The following SPSB1 variants were observed in gnomAD, a reference collection of about 807,000 sequenced individuals.
SPSB1 encodes the protein SPRY domain-containing SOCS box protein 1.
In SPSB1, 8 loss-of-function variants were observed where a neutral mutation model predicts 21.2. The ratio of observed to expected loss-of-function variants is 0.38; its 90% CI spans 0.22 to 0.68. SPSB1 has a LOEUF of 0.68. Ranked by LOEUF, SPSB1 falls within the 30% of genes least tolerant of loss-of-function variation. The pLI is 0.53. For synonymous variants in SPSB1, 169 were observed against 161.7 expected (o/e 1.05, Z -0.34); for missense variants, 242 against 377.8 (o/e 0.64, Z 2.98).
rs1359427685 is a variant in SPSB1 at position 9,369,296 on chromosome 1, T to A, written c.*1721T>A. On this transcript the variant is annotated 3_prime_UTR_variant, in exon 3 of 3. Coordinates refer to ENST00000328089, the MANE Select transcript of SPSB1 (RefSeq NM_025106.4). The stretch of plus-strand genomic sequence containing the variant: ...AGGTGGGTCACATTCTGATGAATGT[T>A]TCCCTTGTACAGATCCCAGCTTATG... 6.6e-6 allele frequency: 1 copy of A among 152,086 alleles called. No homozygotes were observed. Among genetic ancestry groups the A allele is most frequent in the Non-Finnish European group, 1.5e-5 (1 of 67,986 alleles). 9.4% of individuals were successfully genotyped at this position (152,086 alleles called of 1,614,324 possible).
rs554156304 is a variant in SPSB1, at chr1:9,321,606, T to C, written c.-150+28535T>C. 9.9e-5 allele frequency among the ~76,000 whole-genome samples: 15 copies of C among 152,280 alleles called. 1 individual carries two copies. The South Asian group carries it at 2.9e-3, about 29-fold the overall frequency. On this transcript the variant is annotated intron_variant, in intron 1 of 2. Transcript: ENST00000328089. This position sits in a 1 kb window ranked among gnomAD's most constrained non-coding sequence, Gnocchi z 4.8. ...GACCGATGCATAGGCAGCTCGCTAA[T>C]GCTGTGTTTCATCACATCTGAGACC...
intron 1 of SPSB1, among the ~76,000 whole-genome samples, chr1:9,297,889 G>C (rs563317): frequency 0.59 from 89,445 of 152,014 alleles, 26,949 homozygotes; most frequent in South Asian, 0.69. Flanking sequence ...GATCTTTCAC[G>C]CATACGTTGA....
intron 1 of SPSB1, among the ~76,000 whole-genome samples, chr1:9,302,485 C>G (rs1639351032): frequency 6.6e-6 from 1 of 152,204 alleles, no homozygotes; most frequent in South Asian, 2.1e-4. Flanking sequence ...CAGGCACCAT[C>G]CAGTCAGCCG....
chr1:9,312,737 G>T (rs548118612), intron 1 of SPSB1, among the ~76,000 whole-genome samples: 36 of 152,128 alleles, frequency 2.4e-4, no homozygotes, highest in African/African-American at 8.2e-4. Flanking sequence ...GTTTTCTTTG[G>T]GTTTTATTAT....
intron 1 of SPSB1, among the ~76,000 whole-genome samples, chr1:9,344,973 C>T (rs1000720980): frequency 8.5e-5 from 13 of 152,178 alleles, no homozygotes; most frequent in Non-Finnish European, 1.5e-4. Context: ...GGCCTTGGCA[C>T]CCTGAAAGCC....
At chr1:9,333,580 C>T (rs2100494644) in intron 1 of SPSB1, among the ~76,000 whole-genome samples, 1 of 152,286 alleles carries the variant, frequency 6.6e-6, no homozygotes, top group South Asian at 2.1e-4. Context: ...ATCCGCCCAC[C>T]TCGGCCTCCC....
At chr1:9,340,920 A>AG (rs979778342) in intron 1 of SPSB1, among the ~76,000 whole-genome samples, 60 of 152,284 alleles carry the variant, frequency 3.9e-4, no homozygotes, top group African/African-American at 1.4e-3. Flanking sequence ...CAGAGTGGGA[A>AG]GGGGAGAAGA....
chr1:9,327,908 G>A (rs1430753521), intron 1 of SPSB1, among the ~76,000 whole-genome samples: 1 of 152,232 alleles, frequency 6.6e-6, no homozygotes, highest in Admixed American at 6.5e-5. Flanking sequence ...CCCAACTCTG[G>A]TCTAGATTTA....
intron 1 of SPSB1, among the ~76,000 whole-genome samples, chr1:9,337,413 A>G (rs112746214): frequency 1.3e-5 from 2 of 151,742 alleles, no homozygotes; most frequent in Non-Finnish European, 2.9e-5. Context: ...CTGGCCAGCC[A>G]CCTGCCCACC....
At chr1:9,339,120 C>A in intron 1 of SPSB1, 2 of 728,728 alleles carry the variant, frequency 2.7e-6, no homozygotes, top group Non-Finnish European at 3.4e-6. Flanking sequence ...CAAGGCAGGC[C>A]TGGGGACCCT....
rs1171865497 is a variant in SPSB1, at chr1:9,293,035, C to T, written c.-186C>T. 2 of 981,128 alleles carry T rather than the reference C, an allele frequency of 2.0e-6. No homozygotes were observed. The highest frequency in any genetic ancestry group is 3.5e-5 in the African/African-American group (2 of 56,664). 60.8% of individuals were successfully genotyped at this position (981,128 alleles called of 1,614,324 possible). A position where few individuals can be genotyped will look rare whatever the true frequency, so the allele number is the denominator to read the frequency against. The stretch of plus-strand genomic sequence containing the variant: ...GCCCGGGCGCCCGAGCCTCCTCGGC[C>T]TTGGAGAGCAGCGGCGGCGGCGGCA... On this transcript the variant is annotated 5_prime_UTR_variant, in exon 1 of 3. Coordinates refer to ENST00000328089, the MANE Select transcript of SPSB1 (RefSeq NM_025106.4). The surrounding 1 kb of genome is among the most constrained non-coding windows in gnomAD (Gnocchi z 5.1).
intron 1 of SPSB1, among the ~76,000 whole-genome samples, chr1:9,303,450 G>C (rs898646523): frequency 6.6e-6 from 1 of 152,170 alleles, no homozygotes; most frequent in Non-Finnish European, 1.5e-5. Context: ...ATTGCTGGGA[G>C]TATTTCCTCC....
At chr1:9,352,756 T>C (rs1258624648) in intron 1 of SPSB1, among the ~76,000 whole-genome samples, 1 of 145,902 alleles carries the variant, frequency 6.9e-6, no homozygotes, top group Non-Finnish European at 1.5e-5. Context: ...CCCCTCAACC[T>C]CCCTGTTATG....
Position 9,324,821 on chromosome 1 carries a change from C to T in SPSB1, c.-149-30922C>T, listed in dbSNP as rs539299627. ...TTCTTAGAGCCAACACTGGGCCAGACAGTCGTGTTTGCGACAAGTCTGTTC... is the reference window on the plus strand; with the variant it reads ...TTCTTAGAGCCAACACTGGGCCAGATAGTCGTGTTTGCGACAAGTCTGTTC... On this transcript the variant is annotated intron_variant, in intron 1 of 2. Coordinates refer to ENST00000328089, the MANE Select transcript of SPSB1 (RefSeq NM_025106.4). This position sits in a 1 kb window ranked among gnomAD's most constrained non-coding sequence, Gnocchi z 4.3. Among the ~76,000 whole-genome samples the T allele has an allele frequency of 6.6e-6, 1 of 152,358 alleles. No individual in the cohort carries two copies. Among genetic ancestry groups the T allele is most frequent in the South Asian group, 2.1e-4 (1 of 4,832 alleles).
At chr1:9,294,957 A>G (rs542343151) in intron 1 of SPSB1, among the ~76,000 whole-genome samples, 1 of 152,278 alleles carries the variant, frequency 6.6e-6, no homozygotes, top group South Asian at 2.1e-4. Context: ...CCTGTCCTAG[A>G]GAGGCCCAGA....
chr1:9,308,815 T>C (rs1245423403), intron 1 of SPSB1, among the ~76,000 whole-genome samples: 1 of 152,256 alleles, frequency 6.6e-6, no homozygotes, highest in East Asian at 1.9e-4. Flanking sequence ...CCCCACAGCC[T>C]GTGTTTTTTT....
chr1:9,352,550 C>T (rs1037009443), intron 1 of SPSB1, among the ~76,000 whole-genome samples: 1 of 152,186 alleles, frequency 6.6e-6, no homozygotes, highest in Admixed American at 6.5e-5. Flanking sequence ...CATTTACTAT[C>T]GCGCCCATTT....
intron 1 of SPSB1, among the ~76,000 whole-genome samples, chr1:9,329,632 G>T (rs762095462): frequency 6.6e-6 from 1 of 150,786 alleles, no homozygotes; most frequent in Non-Finnish European, 1.5e-5. Context: ...TGGGGAGGTT[G>T]CAGTGAGCCG....
At chr1:9,302,137 G>A (rs1002634726) in intron 1 of SPSB1, among the ~76,000 whole-genome samples, 1 of 152,170 alleles carries the variant, frequency 6.6e-6, no homozygotes, top group African/African-American at 2.4e-5. Context: ...GTGGAACTAC[G>A]GTCTTGTTAT....
Sources: gnomAD v4.1 joint callset for allele counts (sites outside exome capture counted in the v4.1 genomes callset) on GRCh38, gnomAD v4.1.1 for gene constraint, Gnocchi (gnomAD v3.1) non-coding constraint, MANE v1.5 for transcripts, NCBI Gene and HGNC (gene_info 2026-07-23, HGNC 2026-07-21) for gene names.